RANBP2: variants seen among roughly 807,000 people sequenced by gnomAD.
RANBP2 encodes RAN binding protein 2, also known as E3 SUMO-protein ligase RanBP2.
Under a neutral mutation model 303.6 loss-of-function variants are expected in RANBP2, and 57 were observed. The observed-to-expected ratio is 0.19, with a 90% CI of 0.15 to 0.23. The LOEUF (loss-of-function observed/expected upper bound fraction) is 0.23, where lower values mean the gene tolerates loss of function less well. Among genes scored for constraint, RANBP2 ranks in the 10% least tolerant of loss-of-function variants. The probability of loss-of-function intolerance (pLI) is 1.00; values close to 1 mark genes in which losing one functional copy is unlikely to be tolerated. For synonymous variants in RANBP2, 1,167 were observed against 1,301.5 expected (o/e 0.90, Z 2.23); for missense variants, 3,138 against 3,780.8 (o/e 0.83, Z 4.46).
At chr2:108,748,876 CTG>C (rs1191101202) in intron 8 of RANBP2, 42 bp from the exon 9 acceptor site, 2 of 1,611,708 alleles carry the variant, frequency 1.2e-6, no homozygotes, top group Non-Finnish European at 1.7e-6. Flanking sequence ...CAAATACAAT[CTG>C]TAATTTTAAA....
chr2:109,060,226 A>T, the RANBP2 span, among the ~76,000 whole-genome samples: 2 of 152,230 alleles, frequency 1.3e-5, no homozygotes, highest in African/African-American at 4.8e-5. Flanking sequence ...AAGAATATGG[A>T]GAATTTAATA....
the RANBP2 span, among the ~76,000 whole-genome samples, chr2:109,049,774 T>G: frequency 1.3e-5 from 2 of 152,246 alleles, no homozygotes; most frequent in African/African-American, 4.8e-5. Flanking sequence ...AGTGTTTCAA[T>G]AAAATCTTTG....
chr2:109,362,552 G>A, the RANBP2 span, among the ~76,000 whole-genome samples: 1 of 152,178 alleles, frequency 6.6e-6, no homozygotes, highest in Non-Finnish European at 1.5e-5. Context: ...TGTTGGTTGA[G>A]ATATTATGTG....
the RANBP2 span, among the ~76,000 whole-genome samples, chr2:109,244,212 G>T: frequency 6.6e-6 from 1 of 152,164 alleles, no homozygotes. Flanking sequence ...TCTAATCCGA[G>T]CTGGAGATAA....
chr2:108,904,074 A>G, the RANBP2 span, among the ~76,000 whole-genome samples: 1 of 152,208 alleles, frequency 6.6e-6, no homozygotes, highest in Non-Finnish European at 1.5e-5. Flanking sequence ...CCATCATAGG[A>G]CTAGTGTCTA....
Position 108,784,319 on chromosome 2 carries a change from T to C in RANBP2, c.*418T>C. On this transcript the variant is annotated 3_prime_UTR_variant, in exon 29 of 29. Coordinates refer to ENST00000283195, the MANE Select transcript of RANBP2 (RefSeq NM_006267.5). ...ATAATTTAATTTTAGGTTTGAAATA[T>C]ATTTGGTAATCTTAACTATTGGTGT... The C allele has an allele frequency of 5.5e-6, 1 of 180,680 alleles. No homozygotes were observed. Among genetic ancestry groups the C allele is most frequent in the East Asian group, 1.5e-4 (1 of 6,722 alleles). 11.2% of individuals were successfully genotyped at this position (180,680 alleles called of 1,614,324 possible).
chr2:108,894,133 T>C, the RANBP2 span, among the ~76,000 whole-genome samples: 1 of 152,148 alleles, frequency 6.6e-6, no homozygotes, highest in African/African-American at 2.4e-5. Context: ...CGAGCTATGA[T>C]AATAAATGAC....
At chr2:109,271,509 A>G in the RANBP2 span, among the ~76,000 whole-genome samples, 2 of 152,256 alleles carry the variant, frequency 1.3e-5, no homozygotes, top group African/African-American at 4.8e-5. Flanking sequence ...CTGTCAGCCA[A>G]CATGACAGCA....
chr2:109,651,644 T>C, the RANBP2 span, among the ~76,000 whole-genome samples: 6 of 152,208 alleles, frequency 3.9e-5, no homozygotes, highest in African/African-American at 1.4e-4. Flanking sequence ...TGAGGATCTG[T>C]GCTGACTCAT....
the RANBP2 span, among the ~76,000 whole-genome samples, chr2:109,485,886 T>C: frequency 6.6e-6 from 1 of 152,240 alleles, no homozygotes; most frequent in Non-Finnish European, 1.5e-5. Flanking sequence ...CTCCAGTCCC[T>C]GGCCCTCCCT....
chr2:108,937,531 G>A, the RANBP2 span, among the ~76,000 whole-genome samples: 1 of 151,884 alleles, frequency 6.6e-6, no homozygotes, highest in East Asian at 1.9e-4. Flanking sequence ...GTGTAGGTGA[G>A]TGTATGTGTG....
At chr2:109,449,128 A>C in the RANBP2 span, 1 of 1,591,718 alleles carries the variant, frequency 6.3e-7, no homozygotes, top group Middle Eastern at 1.7e-4. Context: ...GCAAGTTGCA[A>C]ACTAACCTTT....
At chr2:109,335,718 C>T in the RANBP2 span, among the ~76,000 whole-genome samples, 3 of 152,192 alleles carry the variant, frequency 2.0e-5, no homozygotes, top group African/African-American at 7.2e-5. Context: ...ACTCCCAAAC[C>T]CCACGCCAGA....
intron 18 of RANBP2, among the ~76,000 whole-genome samples, chr2:108,759,498 T>C (rs1269549978): frequency 6.6e-6 from 1 of 152,136 alleles, no homozygotes; most frequent in Admixed American, 6.5e-5. Flanking sequence ...CCCTTTTTTT[T>C]TCTCTTTTTA....
the RANBP2 span, among the ~76,000 whole-genome samples, chr2:109,726,024 C>T: frequency 6.6e-6 from 1 of 151,274 alleles, no homozygotes; most frequent in Non-Finnish European, 1.5e-5. Flanking sequence ...TGAGCCACTG[C>T]TCCCAGCTGA....
At chr2:109,046,197 G>T in the RANBP2 span, among the ~76,000 whole-genome samples, 8 of 150,762 alleles carry the variant, frequency 5.3e-5, no homozygotes. Flanking sequence ...CCAGCTACTC[G>T]GGAGGCTGAG....
chr2:109,465,869 C>T, the RANBP2 span, among the ~76,000 whole-genome samples: 1 of 152,116 alleles, frequency 6.6e-6, no homozygotes, highest in Non-Finnish European at 1.5e-5. Context: ...ACCAAGGAGA[C>T]GGTGTTAAAC....
chr2:108,899,669 C>G, the RANBP2 span, among the ~76,000 whole-genome samples: 1 of 152,118 alleles, frequency 6.6e-6, no homozygotes, highest in African/African-American at 2.4e-5. Context: ...GGTTTTTATA[C>G]TTCATTCAAA....
the RANBP2 span, among the ~76,000 whole-genome samples, chr2:109,016,565 G>A: frequency 2.6e-5 from 4 of 152,162 alleles, no homozygotes; most frequent in East Asian, 3.9e-4. Flanking sequence ...TAGGCGTCCC[G>A]AGGTTAGCAT....
Sources: allele counts gnomAD v4.1 joint callset (sites outside exome capture counted in the v4.1 genomes callset), GRCh38; gene constraint gnomAD v4.1.1; transcripts MANE v1.5; gene names NCBI Gene and HGNC (gene_info 2026-07-23, HGNC 2026-07-21).